Variants in HSPA4 observed in about 807,000 individuals in gnomAD.
The protein encoded by HSPA4 is heat shock protein family A (Hsp70) member 4.
HSPA4 carries 25 observed loss-of-function variants against 106.2 expected under a neutral mutation model. That is an observed-to-expected ratio of 0.24 (90% CI 0.17 to 0.33). The LOEUF (loss-of-function observed/expected upper bound fraction) is 0.33. HSPA4 is among the 10% of genes least tolerant of loss of function. The probability of loss-of-function intolerance (pLI) is 1.00; values close to 1 mark genes in which losing one functional copy is unlikely to be tolerated. For synonymous variants in HSPA4, 332 were observed against 333.6 expected (o/e 1.00, Z 0.05); for missense variants, 841 against 996.0 (o/e 0.84, Z 2.10).
At chr5:133,080,840 G>C (rs1765505656) in intron 7 of HSPA4, among the ~76,000 whole-genome samples, 1 of 151,804 alleles carries the variant, frequency 6.6e-6, no homozygotes, top group Non-Finnish European at 1.5e-5. Flanking sequence ...TTCATTTCCT[G>C]TATCACTTTT....
chr5:133,104,038 CTTT>C lies in HSPA4; in HGVS notation c.2319+18_2319+20del. ...AAGCTAAAATTAAGGTAATTTAAGACTTTTTTTTAATAGTCTTTTCTTGACAGC... is the reference window on the plus strand; with the variant it reads ...AAGCTAAAATTAAGGTAATTTAAGACTTTTTAATAGTCTTTTCTTGACAGC... On this transcript the variant is annotated intron_variant, in intron 18 of 18. Coordinates refer to ENST00000304858, the MANE Select transcript of HSPA4 (RefSeq NM_002154.4). 1.2e-6 allele frequency: 2 copies of C among 1,601,186 alleles called. No homozygotes were observed.
chr5:133,092,552 A>T, intron 12 of HSPA4, 148 bp from the exon 13 acceptor site: 1 of 648,196 alleles, frequency 1.5e-6, no homozygotes, highest in Non-Finnish European at 2.8e-6. Context: ...TCTGTGTCCT[A>T]GGTAATGTGG....
chr5:133,076,920 T>A, intron 7 of HSPA4, 22 bp downstream of exon 7: 1 of 1,574,740 alleles, frequency 6.4e-7, no homozygotes, highest in Non-Finnish European at 8.7e-7. Context: ...ACTATTTCGA[T>A]GTTAAAGTGA....
chr5:133,056,196 C>T lies in HSPA4; in HGVS notation c.107+3839C>T, dbSNP rs780615181. Among the ~76,000 whole-genome samples, 4 of 152,114 alleles carry T rather than the reference C, an allele frequency of 2.6e-5. No homozygotes were observed. The South Asian group carries it at 8.3e-4, about 32-fold the overall frequency. On this transcript the variant is annotated intron_variant, in intron 1 of 18. Transcript: ENST00000304858. ...GAAGAGTTGTTCCAGGCAGAAGGAACAGCAAGTGGGAAAGACCTGAGCAAG... is the reference window on the plus strand; with the variant it reads ...GAAGAGTTGTTCCAGGCAGAAGGAATAGCAAGTGGGAAAGACCTGAGCAAG...
rs1241745066 is a variant in HSPA4 at position 133,105,927 on chromosome 5, CACA to C, written c.*1496_*1498del. The C allele has an allele frequency of 2.0e-5, 3 of 151,528 alleles. No individual in the cohort carries two copies. Among genetic ancestry groups the C allele is most frequent in the African/African-American group, 4.9e-5 (2 of 41,222 alleles). The allele number at this position is 151,528 out of a possible 1,614,324, so 9.4% of individuals were successfully genotyped here. A position where few individuals can be genotyped will look rare whatever the true frequency, so the allele number is the denominator to read the frequency against. On this transcript the variant is annotated 3_prime_UTR_variant, in exon 19 of 19. Transcript: ENST00000304858. ...AGCATGCATGGAGGCCTCGAGGCACCACAACAAGGCCAGGTTCTTAGCACATCC... is the reference window on the plus strand; with the variant it reads ...AGCATGCATGGAGGCCTCGAGGCACCACAAGGCCAGGTTCTTAGCACATCC...
At position 133,090,959 on chromosome 5, in the gene HSPA4, C is replaced by T. The variant is rs180943436; in HGVS notation, c.1379-234C>T. 1,231 of 557,248 alleles carry T rather than the reference C, an allele frequency of 2.2e-3. 15 individuals carry two copies. The highest frequency in any genetic ancestry group is 0.012 in the South Asian group (664 of 55,146). The allele number at this position is 557,248 out of a possible 1,614,324, so 34.5% of individuals were successfully genotyped here. ...AAGAAATTGGAAGAAAGGAAAGAAT[C>T]GGGAGATATTTGAGTTCTTAATTGG... is the stretch of plus-strand genomic sequence containing the variant. On this transcript the variant is annotated intron_variant, in intron 11 of 18. Transcript: ENST00000304858.
At chr5:133,060,816 CTTTT>C (rs34721359) in intron 1 of HSPA4, among the ~76,000 whole-genome samples, 2 of 95,148 alleles carry the variant, frequency 2.1e-5, no homozygotes. Flanking sequence ...TGAAACAGGA[CTTTT>C]TTTTTTTTTT....
At position 133,052,202 on chromosome 5, in the gene HSPA4, C is replaced by T. The variant is rs1255932521; in HGVS notation, c.-49C>T. Reference sequence around the variant, plus strand: ...GCTAGCCCCGCCGGGGGTCCGTGTCCTGTCTCGGTGGCCGGACCCGGGCCC... The same window carrying T: ...GCTAGCCCCGCCGGGGGTCCGTGTCTTGTCTCGGTGGCCGGACCCGGGCCC... On this transcript the variant is annotated 5_prime_UTR_variant, in exon 1 of 19. Transcript: ENST00000304858. The T allele has an allele frequency of 7.6e-7, 1 of 1,322,858 alleles. No homozygotes were observed. The highest frequency in any genetic ancestry group is 1.1e-6 in the Non-Finnish European group (1 of 950,704). 81.9% of individuals were successfully genotyped at this position (1,322,858 alleles called of 1,614,324 possible). A position where few individuals can be genotyped will look rare whatever the true frequency, so the allele number is the denominator to read the frequency against.
intron 9 of HSPA4, 54 bp from the exon 10 acceptor site, chr5:133,089,001 C>A: frequency 1.2e-6 from 1 of 813,008 alleles, no homozygotes; most frequent in Non-Finnish European, 2.0e-6. Flanking sequence ...GTGATATTAT[C>A]AGTTTATATT....
At chr5:133,061,572 G>A (rs946594710) in intron 1 of HSPA4, among the ~76,000 whole-genome samples, 2 of 152,126 alleles carry the variant, frequency 1.3e-5, no homozygotes, top group African/African-American at 2.4e-5. Context: ...TGTGGTTGGT[G>A]TTAAGTAGAA....
intron 7 of HSPA4, among the ~76,000 whole-genome samples, chr5:133,083,531 AT>A (rs1431986076): frequency 6.6e-6 from 1 of 151,738 alleles, no homozygotes; most frequent in Non-Finnish European, 1.5e-5. Flanking sequence ...TCAATTTTTA[AT>A]TTTTTTATTA....
intron 7 of HSPA4, among the ~76,000 whole-genome samples, chr5:133,078,590 G>A (rs556260002): frequency 1.8e-4 from 26 of 143,768 alleles, no homozygotes; most frequent in Admixed American, 2.9e-4. Flanking sequence ...AGCTGAGATC[G>A]TGCCACTGTA....
intron 2 of HSPA4, among the ~76,000 whole-genome samples, chr5:133,066,854 A>G (rs1765313208): frequency 6.6e-6 from 1 of 150,518 alleles, no homozygotes; most frequent in African/African-American, 2.5e-5. Flanking sequence ...AGCTGGGGTT[A>G]CAGGTGCGCA....
intron 1 of HSPA4, among the ~76,000 whole-genome samples, chr5:133,055,725 G>C (rs1257404188): frequency 1.3e-5 from 2 of 152,156 alleles, no homozygotes; most frequent in South Asian, 2.1e-4. Flanking sequence ...CTGTGGTAAA[G>C]GGCAAGGTGG....
intron 7 of HSPA4, among the ~76,000 whole-genome samples, chr5:133,083,538 T>A (rs1039707700): frequency 5.3e-5 from 8 of 152,060 alleles, no homozygotes; most frequent in Non-Finnish European, 8.8e-5. Context: ...TTAATTTTTT[T>A]ATTATTATTA....
chr5:133,082,474 A>C (rs1313245117), intron 7 of HSPA4, among the ~76,000 whole-genome samples: 5 of 152,078 alleles, frequency 3.3e-5, no homozygotes, highest in East Asian at 1.9e-4. Flanking sequence ...TTTAAAATTT[A>C]TTTCTTTTTG....
chr5:133,101,900 C>CTCTTT (rs1255289970), intron 17 of HSPA4, 22 bp downstream of exon 17: 1 of 1,288,198 alleles, frequency 7.8e-7, no homozygotes. Context: ...CTTTGTCCTA[C>CTCTTT]TCTTATTTTA....
At chr5:133,069,141 G>A (rs1466368875) in intron 3 of HSPA4, among the ~76,000 whole-genome samples, 1 of 152,068 alleles carries the variant, frequency 6.6e-6, no homozygotes, top group Non-Finnish European at 1.5e-5. Flanking sequence ...GGTTGGGATT[G>A]TTTTAGGCAG....
chr5:133,091,181 G>C lies in HSPA4; in HGVS notation c.1379-12G>C. 6.2e-7 allele frequency: 1 copy of C among 1,609,756 alleles called. No individual in the cohort carries two copies. The highest frequency in any genetic ancestry group is 8.5e-7 in the Non-Finnish European group (1 of 1,176,184). ...TAGGTTATGTGTTCTTTTGTCTCTCGTATGTCCCTAGCTCAGTTTTCAGTT... is the reference window on the plus strand; with the variant it reads ...TAGGTTATGTGTTCTTTTGTCTCTCCTATGTCCCTAGCTCAGTTTTCAGTT... On this transcript the variant is annotated splice_polypyrimidine_tract_variant and intron_variant, in intron 11 of 18. Coordinates refer to ENST00000304858, the MANE Select transcript of HSPA4 (RefSeq NM_002154.4).
Sources: allele counts gnomAD v4.1 joint callset (sites outside exome capture counted in the v4.1 genomes callset), GRCh38; gene constraint gnomAD v4.1.1; transcripts MANE v1.5; gene names NCBI Gene and HGNC (gene_info 2026-07-23, HGNC 2026-07-21).